The following MYO9B variants were observed in gnomAD, a reference collection of about 807,000 sequenced individuals.
The protein encoded by MYO9B is unconventional myosin-IXb.
MYO9B carries 71 observed loss-of-function variants against 229.5 expected under a neutral mutation model. The ratio of observed to expected loss-of-function variants is 0.31; its 90% confidence interval spans 0.26 to 0.38. The LOEUF (loss-of-function observed/expected upper bound fraction) is 0.38. Ranked by LOEUF, MYO9B falls within the 10% of genes least tolerant of loss-of-function variation. The pLI, the probability that MYO9B is intolerant of heterozygous loss-of-function variation, is 1.00. For synonymous variants in MYO9B, 1,185 were observed against 1,235.8 expected (o/e 0.96, Z 0.86); for missense variants, 2,255 against 2,920.5 (o/e 0.77, Z 5.25).
In MYO9B at chr19:17,096,937, G is replaced by A. The variant is rs544455480; in HGVS notation, c.-58-4723G>A. On this transcript the variant is annotated intron_variant, in intron 1 of 39. Coordinates refer to ENST00000682292, the MANE Select transcript of MYO9B (RefSeq NM_004145.4). ...CTCGATCTGACCTCGTGATCCGCCCGCCTCTGCTTCCCAAAATGCTGGGAT... is the reference window on the plus strand; with the variant it reads ...CTCGATCTGACCTCGTGATCCGCCCACCTCTGCTTCCCAAAATGCTGGGAT... Among the ~76,000 whole-genome samples the A allele has an allele frequency of 6.0e-5, 9 of 150,870 alleles. No homozygotes were observed. The East Asian group carries it at 6.1e-4, about 10-fold the overall frequency.
intron 35 of MYO9B, among the ~76,000 whole-genome samples, chr19:17,208,353 A>AAAAAGGAACT (rs74332276): frequency 8.0e-6 from 1 of 124,616 alleles, no homozygotes; most frequent in South Asian, 2.5e-4. Context: ...AAAAAAAAAA[A>AAAAAGGAACT]ATCCAGATGG....
intron 8 of MYO9B, among the ~76,000 whole-genome samples, chr19:17,160,172 C>G (rs2072582396): frequency 6.6e-6 from 1 of 152,138 alleles, no homozygotes; most frequent in African/African-American, 2.4e-5. Flanking sequence ...GGATTTTTAG[C>G]CCCTCACCCG....
At chr19:17,180,732 G>A (rs1276619472) in intron 14 of MYO9B, 195 bp from the exon 15 acceptor site, 2 of 537,782 alleles carry the variant, frequency 3.7e-6, no homozygotes, top group Non-Finnish European at 6.6e-6. Flanking sequence ...CCAGGGCTTG[G>A]GGAGGCTGGC....
Position 17,202,042 on chromosome 19 carries a change from C to T in MYO9B, c.4662+18C>T. Reference sequence around the variant, plus strand: ...CTGTCCCGGTATGTGGCGGCCCGGCCTTCAGCCTTTCCCATACCCTGCTCA... The same window carrying T: ...CTGTCCCGGTATGTGGCGGCCCGGCTTTCAGCCTTTCCCATACCCTGCTCA... On this transcript the variant is annotated intron_variant, in intron 27 of 39. Transcript: ENST00000682292. 6.2e-7 allele frequency: 1 copy of T among 1,612,056 alleles called. No individual in the cohort carries two copies. The highest frequency in any genetic ancestry group is 8.5e-7 in the Non-Finnish European group (1 of 1,178,876).
chr19:17,156,828 A>G, intron 6 of MYO9B, 81 bp from the exon 7 acceptor site: 1 of 1,493,114 alleles, frequency 6.7e-7, no homozygotes, highest in Non-Finnish European at 9.0e-7. Context: ...GGTTTTATGG[A>G]TTCAGCCCGG....
chr19:17,124,847 CA>C (rs2058000404), intron 2 of MYO9B, among the ~76,000 whole-genome samples: 1 of 151,538 alleles, frequency 6.6e-6, no homozygotes, highest in African/African-American at 2.4e-5. Flanking sequence ...TATCAGAATC[CA>C]TGGGCTATAT....
chr19:17,101,695 G>A lies in MYO9B; in HGVS notation c.-23G>A. 1 of 1,541,714 alleles carries A rather than the reference G, an allele frequency of 6.5e-7. No homozygotes were observed. Among genetic ancestry groups the A allele is most frequent in the Non-Finnish European group, 8.7e-7 (1 of 1,148,880 alleles). On this transcript the variant is annotated 5_prime_UTR_variant, in exon 2 of 40. The change abolishes an upstream ATG in the 5' untranslated region. Transcript: ENST00000682292. The surrounding 1 kb of genome is among the most constrained non-coding windows in gnomAD (Gnocchi z 4.7). ...CGCGCGCCCCGAGCCTGGGAGGCATGCTGAAGCCAGGCGGCCGGCAGGATG... is the reference window on the plus strand; with the variant it reads ...CGCGCGCCCCGAGCCTGGGAGGCATACTGAAGCCAGGCGGCCGGCAGGATG...
chr19:17,201,695 T>A (rs1365768416), intron 26 of MYO9B, among the ~76,000 whole-genome samples: 1 of 152,088 alleles, frequency 6.6e-6, no homozygotes, highest in Non-Finnish European at 1.5e-5. Flanking sequence ...CTTAACCTGC[T>A]GTGGTACACA....
At chr19:17,090,013 A>T (rs1471685461) in intron 1 of MYO9B, among the ~76,000 whole-genome samples, 1 of 150,366 alleles carries the variant, frequency 6.7e-6, no homozygotes, top group African/African-American at 2.5e-5. Flanking sequence ...GGACATTTCT[A>T]TAAATGGAGT....
chr19:17,127,434 C>T (rs1301772864), intron 2 of MYO9B, among the ~76,000 whole-genome samples: 1 of 149,854 alleles, frequency 6.7e-6, no homozygotes, highest in African/African-American at 2.5e-5. Flanking sequence ...TCAAGCGATT[C>T]TCCTGCCTCA....
intron 2 of MYO9B, among the ~76,000 whole-genome samples, chr19:17,117,843 C>T (rs1179022264): frequency 6.8e-6 from 1 of 146,446 alleles, no homozygotes; most frequent in Non-Finnish European, 1.5e-5. Context: ...GAAGCTGAGG[C>T]AGGAGAATGG....
At chr19:17,188,521 G>A (rs1236458246) in intron 19 of MYO9B, among the ~76,000 whole-genome samples, 5 of 151,644 alleles carry the variant, frequency 3.3e-5, no homozygotes, top group South Asian at 2.1e-4. Context: ...AGGTGACAGC[G>A]CCTGGTTCCC....
intron 14 of MYO9B, among the ~76,000 whole-genome samples, chr19:17,179,926 T>G (rs1168487267): frequency 6.7e-6 from 1 of 148,420 alleles, no homozygotes. Context: ...AAAATAAAAA[T>G]AAATTTAAAA....
intron 11 of MYO9B, among the ~76,000 whole-genome samples, chr19:17,168,644 C>G (rs77331782): frequency 0.032 from 4,933 of 152,314 alleles, 266 homozygotes; most frequent in African/African-American, 0.11. Flanking sequence ...AGAAACTAGA[C>G]ACTGGGGCCA....
At chr19:17,116,093 G>A (rs558321546) in intron 2 of MYO9B, among the ~76,000 whole-genome samples, 3 of 152,246 alleles carry the variant, frequency 2.0e-5, no homozygotes, top group Non-Finnish European at 2.9e-5. Context: ...GGAGCTGTGC[G>A]GGGTTCCCTC....
At chr19:17,124,208 C>T (rs1208441171) in intron 2 of MYO9B, among the ~76,000 whole-genome samples, 1 of 151,960 alleles carries the variant, frequency 6.6e-6, no homozygotes, top group East Asian at 1.9e-4. Flanking sequence ...ATTTCTATAT[C>T]AGAGTCAGGT....
At chr19:17,178,800 T>A (rs1203939575) in intron 14 of MYO9B, among the ~76,000 whole-genome samples, 1 of 151,766 alleles carries the variant, frequency 6.6e-6, no homozygotes, top group Non-Finnish European at 1.5e-5. Context: ...GGGGGAGGCA[T>A]ACGTGGGCAG....
intron 21 of MYO9B, 35 bp from the exon 22 acceptor site, chr19:17,194,521 T>C: frequency 6.2e-7 from 1 of 1,601,546 alleles, no homozygotes; most frequent in Non-Finnish European, 8.5e-7. Context: ...GAGTGTTTGT[T>C]TCTGAACCAG....
intron 15 of MYO9B, among the ~76,000 whole-genome samples, chr19:17,183,546 G>C (rs895607419): frequency 2.6e-5 from 4 of 152,134 alleles, no homozygotes; most frequent in Non-Finnish European, 5.9e-5. Flanking sequence ...TCAGACATCC[G>C]AATGGCCCCC....
Sources: allele counts gnomAD v4.1 joint callset (sites outside exome capture counted in the v4.1 genomes callset), GRCh38; gene constraint gnomAD v4.1.1; non-coding constraint Gnocchi (gnomAD v3.1); transcripts MANE v1.5; gene names NCBI Gene and HGNC (gene_info 2026-07-23, HGNC 2026-07-21).